The following CSMD3 variants were observed in gnomAD, a reference collection of about 807,000 sequenced individuals.
The protein encoded by CSMD3 is CUB and Sushi multiple domains 3.
Under a neutral mutation model 435.2 loss-of-function variants are expected in CSMD3, and 177 were observed. The ratio of observed to expected loss-of-function variants is 0.41; its 90% CI spans 0.36 to 0.46. The LOEUF (loss-of-function observed/expected upper bound fraction) is 0.46. CSMD3 is among the 20% of genes least tolerant of loss of function. The probability of loss-of-function intolerance (pLI) is 0.34; values close to 1 mark genes in which losing one functional copy is unlikely to be tolerated. For synonymous variants in CSMD3, 1,656 were observed against 1,520.5 expected, an observed-to-expected ratio of 1.09 and a Z score of -2.07; for missense variants, 4,265 against 4,504.6, an observed-to-expected ratio of 0.95 and a Z score of 1.52.
chr8:112,770,095 T>C (rs1451226836), intron 13 of CSMD3, among the ~76,000 whole-genome samples: 3 of 152,056 alleles, frequency 2.0e-5, no homozygotes, highest in Non-Finnish European at 4.4e-5. Context: ...AAGTGGTCTG[T>C]CTTATTAATC....
At position 112,366,719 on chromosome 8, in the gene CSMD3, G is replaced by C. The variant is rs573905575; in HGVS notation, c.6136+13633C>G. Among the ~76,000 whole-genome samples, 3 of 152,182 alleles carry C rather than the reference G, an allele frequency of 2.0e-5. No homozygotes were observed. The East Asian group carries it at 5.8e-4, about 29-fold the overall frequency. ...AGCCAGGCATTCACCTTATAGTCCT[G>C]ATTTGGCTCCTTTTGACTTCCTTTT... On this transcript the variant is annotated intron_variant, in intron 38 of 70. Coordinates refer to ENST00000297405, the MANE Select transcript of CSMD3 (RefSeq NM_198123.2).
At chr8:112,243,334 A>G (rs576559423) in intron 65 of CSMD3, among the ~76,000 whole-genome samples, 4 of 152,316 alleles carry the variant, frequency 2.6e-5, no homozygotes, top group Non-Finnish European at 5.9e-5. Context: ...TGACAGCTGC[A>G]TTAGATAAAA....
rs549640860 is a variant in CSMD3 at position 113,225,588 on chromosome 8, A to G, written c.515-51672T>C. Among the ~76,000 whole-genome samples the G allele has an allele frequency of 7.3e-5, 11 of 151,652 alleles. 1 individual carries two copies. The South Asian group carries it at 2.3e-3, about 31-fold the overall frequency. ...AAAAAAATTCTACTCTTCTTTACTT[A>G]TTGGTACACTGACTAAACAAATGTG... On this transcript the variant is annotated intron_variant, in intron 3 of 70. Transcript: ENST00000297405.
At chr8:112,544,100 G>A (rs1325231825) in intron 27 of CSMD3, among the ~76,000 whole-genome samples, 1 of 152,062 alleles carries the variant, frequency 6.6e-6, no homozygotes, top group Non-Finnish European at 1.5e-5. Flanking sequence ...TAATCAACTG[G>A]CATAATATTT....
intron 63 of CSMD3, 33 bp downstream of exon 63, chr8:112,254,220 A>C (rs747261474): frequency 2.7e-6 from 4 of 1,481,802 alleles, no homozygotes; most frequent in Non-Finnish European, 3.8e-6. Context: ...CTGACCTAGT[A>C]TGATGCTAAA....
rs985234873 is a variant in CSMD3, at chr8:112,231,416, A to G, written c.10828+129T>C. On this transcript the variant is annotated intron_variant, in intron 69 of 70. Transcript: ENST00000297405. ...ATTTAAAAGGGCTATCAAAGGTATC[A>G]ATGCATAGTTCTGGCAGTACAGAAT... 3.9e-5 allele frequency: 28 copies of G among 717,222 alleles called. No individual in the cohort carries two copies. The Middle Eastern group carries it at 2.5e-3, about 65-fold the overall frequency. The allele number at this position is 717,222 out of a possible 1,614,324, so 44.4% of individuals were successfully genotyped here. A position where few individuals can be genotyped will look rare whatever the true frequency, so the allele number is the denominator to read the frequency against.
In CSMD3 at chr8:112,455,538, T is replaced by C. The variant is rs554399187; in HGVS notation, c.5395+17053A>G. On this transcript the variant is annotated intron_variant, in intron 32 of 70. Coordinates refer to ENST00000297405, the MANE Select transcript of CSMD3 (RefSeq NM_198123.2). ...ACTTAATATACTCATGTAACAAATC[T>C]GCACATGTAGTCCCAAATCTAAAAT... 1.2e-4 allele frequency among the ~76,000 whole-genome samples: 18 copies of C among 151,752 alleles called. No homozygotes were observed. In the South Asian group the frequency reaches 1.5e-3, roughly 12 times the overall value.
At chr8:113,052,255 T>C (rs924178072) in intron 5 of CSMD3, among the ~76,000 whole-genome samples, 1 of 152,180 alleles carries the variant, frequency 6.6e-6, no homozygotes, top group Non-Finnish European at 1.5e-5. Flanking sequence ...TGTGAAAATA[T>C]TTTAGCTGTC....
At chr8:113,377,238 A>C (rs962241107) in intron 1 of CSMD3, 15 of 687,278 alleles carry the variant, frequency 2.2e-5, no homozygotes, top group Admixed American at 3.8e-5. Flanking sequence ...AGCCGAGGAT[A>C]CAAAAACAAA....
chr8:112,391,998 C>T (rs1830456686), intron 35 of CSMD3, among the ~76,000 whole-genome samples: 1 of 152,068 alleles, frequency 6.6e-6, no homozygotes, highest in Non-Finnish European at 1.5e-5. Context: ...ATCTCTGAAA[C>T]ACAGATATCT....
chr8:112,485,051 T>G (rs1819989731), intron 31 of CSMD3, among the ~76,000 whole-genome samples: 1 of 152,106 alleles, frequency 6.6e-6, no homozygotes, highest in Non-Finnish European at 1.5e-5. Context: ...TATAACAATG[T>G]TAATGATTCT....
chr8:113,251,900 G>T (rs1441274600), intron 3 of CSMD3, among the ~76,000 whole-genome samples: 5 of 152,004 alleles, frequency 3.3e-5, no homozygotes, highest in African/African-American at 4.8e-5. Context: ...GAAATCCCAT[G>T]AATTTTAAAA....
chr8:113,200,585 TTTTA>T (rs531368501), intron 3 of CSMD3, among the ~76,000 whole-genome samples: 5 of 151,656 alleles, frequency 3.3e-5, no homozygotes, highest in East Asian at 2.0e-4. Flanking sequence ...AATCTATTTC[TTTTA>T]TTTATTTATT....
Position 112,948,064 on chromosome 8 carries a change from T to C in CSMD3, c.1421-187A>G, listed in dbSNP as rs546661724. On this transcript the variant is annotated intron_variant, in intron 8 of 70. Coordinates refer to ENST00000297405, the MANE Select transcript of CSMD3 (RefSeq NM_198123.2). ...AAAGCAAAAGCATTTTATGAACTAA[T>C]GAGAAAATAAATTTGCTGTTCATAT... 3.0e-4 allele frequency among the ~76,000 whole-genome samples: 45 copies of C among 151,834 alleles called. No individual in the cohort carries two copies. The South Asian group carries it at 9.3e-3, about 31-fold the overall frequency.
chr8:113,328,098 G>GACAC (rs149822754), intron 1 of CSMD3, among the ~76,000 whole-genome samples: 163 of 148,736 alleles, frequency 1.1e-3, no homozygotes, highest in South Asian at 3.2e-3. Flanking sequence ...GACACACACA[G>GACAC]ACACACACAC....
chr8:113,132,712 A>G (rs537938894), intron 4 of CSMD3, among the ~76,000 whole-genome samples: 1 of 152,284 alleles, frequency 6.6e-6, no homozygotes, highest in East Asian at 1.9e-4. Context: ...AAAGAATAAA[A>G]ATACAAGAAT....
At chr8:113,283,838 T>C (rs564293034) in intron 2 of CSMD3, among the ~76,000 whole-genome samples, 1 of 152,224 alleles carries the variant, frequency 6.6e-6, no homozygotes, top group Admixed American at 6.5e-5. Context: ...CACATGTCCA[T>C]CAATCAACGA....
intron 3 of CSMD3, among the ~76,000 whole-genome samples, chr8:113,218,496 G>T (rs907583942): frequency 1.4e-5 from 2 of 148,112 alleles, no homozygotes; most frequent in African/African-American, 4.9e-5. Context: ...ACTATGTCAT[G>T]ACCAATTGAA....
At chr8:112,929,504 G>C (rs1225465998) in intron 9 of CSMD3, among the ~76,000 whole-genome samples, 1 of 151,852 alleles carries the variant, frequency 6.6e-6, no homozygotes, top group Non-Finnish European at 1.5e-5. Context: ...ATAAATACTT[G>C]TCACTATATG....
Sources: gnomAD v4.1 joint callset for allele counts (sites outside exome capture counted in the v4.1 genomes callset) on GRCh38, gnomAD v4.1.1 for gene constraint, MANE v1.5 for transcripts, NCBI Gene and HGNC (gene_info 2026-07-23, HGNC 2026-07-21) for gene names.